The following NPHP4 variants were observed in gnomAD, a reference collection of about 807,000 sequenced individuals.
The protein encoded by NPHP4 is nephrocystin 4.
NPHP4 carries 151 observed loss-of-function variants against 155.8 expected under a neutral mutation model. The observed-to-expected ratio is 0.97, with a 90% CI of 0.85 to 1.11. The LOEUF (loss-of-function observed/expected upper bound fraction) is 1.11. Ranked by LOEUF, NPHP4 falls within the 50% of genes least tolerant of loss-of-function variation. The pLI, the probability that NPHP4 is intolerant of heterozygous loss-of-function variation, is 0.00. For missense variants in NPHP4, 1,956 were observed against 1,925.7 expected, an observed-to-expected ratio of 1.02 and a Z score of -0.29; for synonymous variants, 845 against 816.8, an observed-to-expected ratio of 1.03 and a Z score of -0.59.
At chr1:5,888,768 TG>T (rs1446287016) in intron 17 of NPHP4, among the ~76,000 whole-genome samples, 1 of 152,152 alleles carries the variant, frequency 6.6e-6, no homozygotes, top group Non-Finnish European at 1.5e-5. Flanking sequence ...GCCAAGGACA[TG>T]GGACACAGTG....
chr1:5,929,519 T>A (rs1231770891), intron 10 of NPHP4, among the ~76,000 whole-genome samples: 2 of 152,240 alleles, frequency 1.3e-5, no homozygotes, highest in Non-Finnish European at 2.9e-5. Context: ...TGATGCTGAA[T>A]ATCGTCAAAT....
chr1:5,907,748 G>A (rs1436898744), intron 12 of NPHP4, among the ~76,000 whole-genome samples: 1 of 152,218 alleles, frequency 6.6e-6, no homozygotes, highest in Non-Finnish European at 1.5e-5. Context: ...GTAGCCTCAG[G>A]CAAGTCAGCT....
At chr1:5,903,085 G>A (rs1040002178) in intron 16 of NPHP4, among the ~76,000 whole-genome samples, 6 of 152,094 alleles carry the variant, frequency 3.9e-5, no homozygotes, top group African/African-American at 7.2e-5. Flanking sequence ...TTCTCTAAAC[G>A]GGATGTACAG....
At chr1:5,985,418 C>T (rs1409397925) in intron 2 of NPHP4, among the ~76,000 whole-genome samples, 1 of 152,256 alleles carries the variant, frequency 6.6e-6, no homozygotes, top group Non-Finnish European at 1.5e-5. Context: ...GTGCCGCCAT[C>T]AGGGCCTGGG....
rs377183096 is a variant in NPHP4, at chr1:5,864,407, G to A, written c.3927C>T (p.Asp1309=). 9 of 1,611,622 alleles carry A rather than the reference G, an allele frequency of 5.6e-6. No homozygotes were observed. The Admixed American group carries it at 8.4e-5, about 15-fold the overall frequency. The change falls in exon 28 of 30, where the codon GAC becomes GAT. Residue 1309 remains aspartate (D), a synonymous_variant. Transcript: ENST00000378156. ...AGGCCACCAGCTGGTGGCAATCCAC[G>A]TCCACCAGGTTGAGATGGACAAAGC... ...GSRFVHLNLV[D]VDCHQLVASW... is the part of the protein sequence containing the mutation.
In NPHP4 at chr1:5,904,790, C is replaced by T. The variant is rs755807959; in HGVS notation, c.1970G>A (p.Cys657Tyr). 2 of 1,614,012 alleles carry T rather than the reference C, an allele frequency of 1.2e-6. No individual in the cohort carries two copies. Among genetic ancestry groups the T allele is most frequent in the South Asian group, 1.1e-5 (1 of 91,080 alleles). The change falls in exon 16 of 30, where the codon TGC becomes TAC. Residue 657 changes from cysteine to tyrosine, a missense_variant. Transcript: ENST00000378156. ...FLAFSRVAQD[C>Y]RGTSWPKTVY... Reference sequence around the variant, plus strand: ...AGTCTTTGGCCATGATGTTCCTCGGCAGTCCTGGGCCACTCTGAATCCAAC... The same window carrying T: ...AGTCTTTGGCCATGATGTTCCTCGGTAGTCCTGGGCCACTCTGAATCCAAC...
At chr1:5,970,949 T>C (rs1347712018) in intron 3 of NPHP4, among the ~76,000 whole-genome samples, 1 of 152,256 alleles carries the variant, frequency 6.6e-6, no homozygotes, top group African/African-American at 2.4e-5. Flanking sequence ...GAGAGAATTA[T>C]GTTTGTTTCC....
intron 20 of NPHP4, 95 bp downstream of exon 20, chr1:5,876,998 T>A (rs1378389522): frequency 2.3e-6 from 2 of 866,036 alleles, no homozygotes; most frequent in Non-Finnish European, 3.1e-6. Flanking sequence ...GGGAGGAAGG[T>A]AAGAGAGAAT....
In NPHP4 at chr1:5,874,492, T is replaced by C; in HGVS notation, c.3210A>G (p.Ala1070=). 2.6e-6 allele frequency: 4 copies of C among 1,563,460 alleles called. No homozygotes were observed. Among genetic ancestry groups the C allele is most frequent in the Non-Finnish European group, 3.5e-6 (4 of 1,152,030 alleles). Residue 1070 remains alanine, a synonymous_variant, in exon 22 of 30, where the codon GCA becomes GCG. Transcript: ENST00000378156. ...GCACCTGCACCATGGCCAGCTGCCC[T>C]GCAGAGAAGCTCTGGAACTTGAAGG... The part of the protein sequence containing the change: ...HVPFKFQSFS[A]GQLAMVQASP...
At chr1:5,962,170 TTTTGTTTGTTTG>T (rs899964019) in intron 5 of NPHP4, among the ~76,000 whole-genome samples, 2 of 152,290 alleles carry the variant, frequency 1.3e-5, no homozygotes, top group Non-Finnish European at 2.9e-5. Flanking sequence ...AATTTTTCTT[TTTTGTTTGTTTG>T]TTTGTTTGTT....
At chr1:5,904,904 C>CTTAGTTT in intron 15 of NPHP4, 100 bp from the exon 16 acceptor site, 6 of 1,201,390 alleles carry the variant, frequency 5.0e-6, no homozygotes, top group Non-Finnish European at 7.3e-6. Context: ...GCACCTTAGT[C>CTTAGTTT]GCTGGGGAAC....
chr1:5,969,264 A>C lies in NPHP4; in HGVS notation c.280-5T>G, dbSNP rs908276068. On this transcript the variant is annotated splice_polypyrimidine_tract_variant and splice_region_variant and intron_variant, in intron 3 of 29. Transcript: ENST00000378156. ...GGATGTGTGAAAATACAAGGGCTGC[A>C]GAACAGAAGCCAGAGGATGGTCTGA... 5.2e-6 allele frequency: 8 copies of C among 1,539,838 alleles called. No individual in the cohort carries two copies. In the Admixed American group the frequency reaches 1.5e-4, roughly 29 times the overall value.
intron 1 of NPHP4, among the ~76,000 whole-genome samples, chr1:5,988,230 G>A (rs949142420): frequency 2.6e-5 from 4 of 152,208 alleles, no homozygotes; most frequent in Non-Finnish European, 5.9e-5. Context: ...ACTTCTGCTC[G>A]TAGGGTTTCA....
chr1:5,883,051 C>A (rs959508134), intron 18 of NPHP4, among the ~76,000 whole-genome samples: 1 of 152,106 alleles, frequency 6.6e-6, no homozygotes, highest in Non-Finnish European at 1.5e-5. Context: ...TTCTTATCAA[C>A]GCTTTCATCA....
At chr1:5,972,648 C>A (rs182765887) in intron 3 of NPHP4, among the ~76,000 whole-genome samples, 3 of 152,258 alleles carry the variant, frequency 2.0e-5, no homozygotes, top group African/African-American at 7.2e-5. Context: ...AATACTCCAG[C>A]AGCACTTAGG....
chr1:5,870,923 T>C (rs1451940520), intron 23 of NPHP4, among the ~76,000 whole-genome samples: 1 of 152,190 alleles, frequency 6.6e-6, no homozygotes, highest in African/African-American at 2.4e-5. Context: ...GGACGGGCCA[T>C]CTATCAAGTG....
intron 27 of NPHP4, 96 bp from the exon 28 acceptor site, chr1:5,864,613 C>G: frequency 8.1e-7 from 1 of 1,229,326 alleles, no homozygotes; most frequent in Non-Finnish European, 1.1e-6. Flanking sequence ...CAGGGGAGCC[C>G]AAGGTCATGG....
intron 7 of NPHP4, among the ~76,000 whole-genome samples, chr1:5,949,343 T>TACATACACACACAC (rs1553187009): frequency 1.4e-5 from 2 of 140,788 alleles, no homozygotes; most frequent in East Asian, 2.1e-4. Context: ...TTCACATACA[T>TACATACACACACAC]ACACACACAC....
chr1:5,952,663 C>T (rs1369610153), intron 7 of NPHP4, 37 bp downstream of exon 7: 6 of 1,265,992 alleles, frequency 4.7e-6, no homozygotes, highest in African/African-American at 3.0e-5. Context: ...CCCTGCCTGG[C>T]CCCACCCTGC....
Sources: allele counts gnomAD v4.1 joint callset (sites outside exome capture counted in the v4.1 genomes callset), GRCh38; gene constraint gnomAD v4.1.1; transcripts MANE v1.5; gene names NCBI Gene and HGNC (gene_info 2026-07-23, HGNC 2026-07-21).